NPAS1: variants seen among roughly 807,000 people sequenced by gnomAD.
NPAS1 encodes the protein neuronal PAS domain-containing protein 1.
A neutral mutation model predicts 49.2 loss-of-function variants in NPAS1; 29 were observed. That is an observed-to-expected ratio of 0.59 (90% CI 0.44 to 0.80). The LOEUF is 0.80. Among genes scored for constraint, NPAS1 ranks in the 30% least tolerant of loss-of-function variants. NPAS1 has a pLI of 0.00. For missense variants in NPAS1, 825 were observed against 835.5 expected, an observed-to-expected ratio of 0.99 and a Z score of 0.15; for synonymous variants, 408 against 380.4, an observed-to-expected ratio of 1.07 and a Z score of -0.84.
Position 47,045,613 on chromosome 19 carries a change from G to A in NPAS1, c.1735G>A (p.Gly579Arg), listed in dbSNP as rs1421885071. The A allele has an allele frequency of 9.7e-6, 14 of 1,444,138 alleles. No homozygotes were observed. The highest frequency in any genetic ancestry group is 1.3e-5 in the Non-Finnish European group (14 of 1,109,948). 89.5% of individuals were successfully genotyped at this position (1,444,138 alleles called of 1,614,324 possible). A position where few individuals can be genotyped will look rare whatever the true frequency, so the allele number is the denominator to read the frequency against. ...CCCGCCCCTGGGCCTGCCCTACCCG[G>A]GGCCCGCGGGCACCAGGCTGCCGCG... Reference protein sequence around the residue: ...FYPPLGLPYPGPAGTRLPRKG... With the variant: ...FYPPLGLPYPRPAGTRLPRKG... The change falls in exon 12 of 12, where the codon GGG (glycine) becomes AGG (arginine). Residue 579 changes from glycine to arginine, a missense_variant. Gly to Arg is a moderately radical substitution (Grantham distance 125). Transcript: ENST00000602212.
Position 47,039,488 on chromosome 19 carries a change from G to A in NPAS1, c.886G>A (p.Ala296Thr). ...GCACACGTTGCCCCCGGCCCCCCTGGCTGAGCTGCCACTCCATGGACACAT... is the reference window on the plus strand; with the variant it reads ...GCACACGTTGCCCCCGGCCCCCCTGACTGAGCTGCCACTCCATGGACACAT... ...LGHTLPPAPLAELPLHGHMIV... is the reference protein window; with the variant it reads ...LGHTLPPAPLTELPLHGHMIV... The change falls in exon 8 of 12, where the codon GCT becomes ACT. Residue 296 changes from alanine to threonine, a missense_variant. Physicochemically the swap from Ala to Thr is moderately conservative, Grantham distance 58. Transcript: ENST00000602212. 6.2e-7 allele frequency: 1 copy of A among 1,610,892 alleles called. No individual in the cohort carries two copies. Among genetic ancestry groups the A allele is most frequent in the South Asian group, 1.1e-5 (1 of 90,764 alleles).
intron 11 of NPAS1, among the ~76,000 whole-genome samples, chr19:47,044,063 C>A (rs1568512061): frequency 6.6e-6 from 1 of 151,132 alleles, no homozygotes; most frequent in East Asian, 1.9e-4. Flanking sequence ...AAGACCTCGT[C>A]TCAAACAAAT....
At chr19:47,042,773 G>A (rs752013760) in intron 10 of NPAS1, 37 bp from the exon 11 acceptor site, 1 of 1,556,790 alleles carries the variant, frequency 6.4e-7, no homozygotes, top group African/African-American at 1.4e-5. Context: ...AGAGGCCAAG[G>A]ACCCCTGGCT....
chr19:47,025,043 T>TCAGGTGATCCATCCA (rs762820793), intron 3 of NPAS1, among the ~76,000 whole-genome samples: 2 of 136,310 alleles, frequency 1.5e-5, no homozygotes, highest in Non-Finnish European at 3.3e-5. Flanking sequence ...ACTCCTGACC[T>TCAGGTGATCCATCCA]CCTTATCCTC....
intron 6 of NPAS1, among the ~76,000 whole-genome samples, chr19:47,036,963 T>C (rs8101793): frequency 0.25 from 35,445 of 140,644 alleles, 4,461 homozygotes; most frequent in South Asian, 0.44. Context: ...ACTTGGGAGG[T>C]GGGAGGATGG....
At chr19:47,025,541 G>A (rs1406444124) in intron 3 of NPAS1, among the ~76,000 whole-genome samples, 1 of 151,900 alleles carries the variant, frequency 6.6e-6, no homozygotes, top group Non-Finnish European at 1.5e-5. Flanking sequence ...GCCTCCCAAA[G>A]TGCTGGGATT....
intron 3 of NPAS1, among the ~76,000 whole-genome samples, chr19:47,029,281 A>G (rs2056891812): frequency 6.6e-6 from 1 of 151,794 alleles, no homozygotes; most frequent in Non-Finnish European, 1.5e-5. Flanking sequence ...ACAGGGTTTC[A>G]CTATGTTGGC....
At chr19:47,022,201 G>C (rs1010314274) in intron 3 of NPAS1, among the ~76,000 whole-genome samples, 4 of 152,190 alleles carry the variant, frequency 2.6e-5, no homozygotes, top group South Asian at 2.1e-4. Context: ...ACCCTGGCTT[G>C]GGACGCCCAT....
At chr19:47,024,861 G>A (rs1378776715) in intron 3 of NPAS1, among the ~76,000 whole-genome samples, 2 of 149,796 alleles carry the variant, frequency 1.3e-5, no homozygotes, top group Non-Finnish European at 3.0e-5. Flanking sequence ...CCAGGCTGGA[G>A]TGCAGTGTTG....
intron 11 of NPAS1, among the ~76,000 whole-genome samples, chr19:47,043,504 C>T (rs756571967): frequency 1.3e-5 from 2 of 151,878 alleles, no homozygotes; most frequent in Non-Finnish European, 2.9e-5. Flanking sequence ...GCAGGAGAAT[C>T]GCTTGAACCC....
At chr19:47,028,451 G>C (rs1262598129) in intron 3 of NPAS1, among the ~76,000 whole-genome samples, 1 of 152,048 alleles carries the variant, frequency 6.6e-6, no homozygotes, top group East Asian at 1.9e-4. Flanking sequence ...GGAGGGGCGG[G>C]GTTTCGCCGC....
chr19:47,041,641 T>G (rs2057022436), intron 10 of NPAS1, among the ~76,000 whole-genome samples: 1 of 152,028 alleles, frequency 6.6e-6, no homozygotes, highest in Non-Finnish European at 1.5e-5. Flanking sequence ...ATAGAAAGCT[T>G]TAGAGCTGGA....
rs963868388 is a variant in NPAS1 at position 47,041,025 on chromosome 19, C to T, written c.1117C>T (p.Arg373Cys). 18 of 1,558,918 alleles carry T rather than the reference C, an allele frequency of 1.2e-5. No individual in the cohort carries two copies. Among genetic ancestry groups the T allele is most frequent in the African/African-American group, 5.4e-5 (4 of 73,946 alleles). The stretch of plus-strand genomic sequence containing the variant: ...GACTGGTTACTACCGTTGGCTGCAG[C>T]GTGCCGGGGGCTTCGTGTGGCTGCA... ...VMTGYYRWLQRAGGFVWLQSV... is the reference protein window; with the variant it reads ...VMTGYYRWLQCAGGFVWLQSV... The change falls in exon 10 of 12, where the codon CGT (arginine) becomes TGT (cysteine). Residue 373 changes from arginine to cysteine, a missense_variant. By Grantham distance (180) the Arg-to-Cys change is radical. Coordinates refer to ENST00000602212, the MANE Select transcript of NPAS1 (RefSeq NM_002517.4).
At chr19:47,025,815 T>C (rs1002378065) in intron 3 of NPAS1, among the ~76,000 whole-genome samples, 1 of 152,168 alleles carries the variant, frequency 6.6e-6, no homozygotes, top group Non-Finnish European at 1.5e-5. Flanking sequence ...GATCAAGTGA[T>C]TTGCCAACCT....
At position 47,021,241 on chromosome 19, in the gene NPAS1, G is replaced by A. The variant is rs1014092920; in HGVS notation, c.122+72G>A. The A allele has an allele frequency of 3.5e-5, 47 of 1,346,074 alleles. No individual in the cohort carries two copies. Among genetic ancestry groups the A allele is most frequent in the Non-Finnish European group, 4.4e-5 (44 of 1,004,114 alleles). The allele number at this position is 1,346,074 out of a possible 1,614,324, so 83.4% of individuals were successfully genotyped here. ...AATTCACACCCGATGTTCTGTCCCC[G>A]TGCCAAGGGGCAGTTCACACCCAGC... On this transcript the variant is annotated intron_variant, in intron 2 of 11. Transcript: ENST00000602212. The surrounding 1 kb of genome is among the most constrained non-coding windows in gnomAD (Gnocchi z 5.7).
intron 5 of NPAS1, among the ~76,000 whole-genome samples, chr19:47,033,002 C>T (rs2056918393): frequency 6.6e-6 from 1 of 152,158 alleles, no homozygotes; most frequent in Admixed American, 6.5e-5. Flanking sequence ...TGCAGTGGTG[C>T]GATCTTCGCT....
rs754583444 is a variant in NPAS1, at chr19:47,021,821, G to C, written c.332G>C (p.Arg111Thr). Reference protein sequence around the residue: ...AALGAPPWGLRAAGPPAGLAP... With the variant: ...AALGAPPWGLTAAGPPAGLAP... Reference sequence around the variant, plus strand: ...CTGGGGGCGCCGCCCTGGGGGCTGAGAGCCGCGGGGCCGCCAGCTGGCCTC... The same window carrying C: ...CTGGGGGCGCCGCCCTGGGGGCTGACAGCCGCGGGGCCGCCAGCTGGCCTC... Residue 111 changes from arginine (R) to threonine (T), a missense_variant, in exon 3 of 12, where the codon AGA becomes ACA. Arg to Thr is a moderately conservative substitution (Grantham distance 71). Coordinates refer to ENST00000602212, the MANE Select transcript of NPAS1 (RefSeq NM_002517.4). The surrounding 1 kb of genome is among the most constrained non-coding windows in gnomAD (Gnocchi z 5.7). The C allele has an allele frequency of 3.3e-6, 5 of 1,513,818 alleles. No homozygotes were observed. The South Asian group carries it at 6.2e-5, about 19-fold the overall frequency. The allele number at this position is 1,513,818 out of a possible 1,614,324, so 93.8% of individuals were successfully genotyped here.
intron 5 of NPAS1, among the ~76,000 whole-genome samples, chr19:47,033,906 G>A (rs2056926033): frequency 1.4e-5 from 2 of 141,734 alleles, no homozygotes; most frequent in African/African-American, 5.3e-5. Context: ...AGCCCATAGG[G>A]TCAAGGTGGC....
chr19:47,036,534 T>TGGAG (rs1296415036), intron 6 of NPAS1, among the ~76,000 whole-genome samples: 2 of 152,060 alleles, frequency 1.3e-5, no homozygotes, highest in Admixed American at 6.5e-5. Flanking sequence ...TGAGCTCGGT[T>TGGAG]GGAGACCAGC....
Sources: gnomAD v4.1 joint callset for allele counts (sites outside exome capture counted in the v4.1 genomes callset) on GRCh38, gnomAD v4.1.1 for gene constraint, Gnocchi (gnomAD v3.1) non-coding constraint, MANE v1.5 for transcripts, NCBI Gene and HGNC (gene_info 2026-07-23, HGNC 2026-07-21) for gene names.